The following TENM1 variants were observed in gnomAD, a reference collection of about 807,000 sequenced individuals.
TENM1 encodes the protein teneurin transmembrane protein 1, also known as teneurin-1.
Under a neutral mutation model 174.8 loss-of-function variants are expected in TENM1, and 35 were observed. That is an observed-to-expected ratio of 0.20 (90% confidence interval 0.15 to 0.27). The LOEUF is 0.27. Ranked by LOEUF, TENM1 falls within the 10% of genes least tolerant of loss-of-function variation. TENM1 has a pLI of 1.00. For missense variants in TENM1, 1,633 were observed against 2,130.1 expected (o/e 0.77, Z 4.59); for synonymous variants, 781 against 798.7 (o/e 0.98, Z 0.37).
intron 27 of TENM1, among the ~76,000 whole-genome samples, chrX:124,396,821 T>C (rs2060340244): frequency 9.0e-6 from 1 of 111,630 alleles, no homozygotes; most frequent in Admixed American, 9.5e-5. Context: ...ACACTAATCC[T>C]TTCCCTGGAA....
At chrX:124,610,730 C>T (rs763640923) in intron 11 of TENM1, among the ~76,000 whole-genome samples, 1 of 110,976 alleles carries the variant, frequency 9.0e-6, no homozygotes, top group East Asian at 2.8e-4. Flanking sequence ...TTGTCCTCCC[C>T]TTCGTAGAAA....
At chrX:124,600,621 G>T (rs2050006710) in intron 11 of TENM1, among the ~76,000 whole-genome samples, 1 of 111,383 alleles carries the variant, frequency 9.0e-6, no homozygotes, top group African/African-American at 3.3e-5. Context: ...GGTACCACCT[G>T]ATAGGATATA....
At chrX:124,634,896 G>A (rs1602858933) in intron 11 of TENM1, among the ~76,000 whole-genome samples, 1 of 111,093 alleles carries the variant, frequency 9.0e-6, no homozygotes, top group Admixed American at 9.5e-5. Context: ...CATCCATTAG[G>A]GAACACTTCA....
chrX:124,593,655 T>C (rs193024747), intron 11 of TENM1, among the ~76,000 whole-genome samples: 37 of 111,694 alleles, frequency 3.3e-4, no homozygotes, highest in Non-Finnish European at 5.8e-4. Context: ...TCTAAGTACC[T>C]GAATTTCTGC....
chrX:124,870,197 T>C (rs1180366554), intron 3 of TENM1, among the ~76,000 whole-genome samples: 1 of 111,993 alleles, frequency 8.9e-6, no homozygotes, highest in Non-Finnish European at 1.9e-5. Flanking sequence ...TGTAAAGACA[T>C]AGACATAAAT....
intron 3 of TENM1, among the ~76,000 whole-genome samples, chrX:124,881,971 C>A (rs960033715): frequency 1.8e-5 from 2 of 111,896 alleles, no homozygotes; most frequent in Non-Finnish European, 3.8e-5. Context: ...TCAGGTGACC[C>A]GCCCACTTCG....
chrX:124,986,359 C>G, the TENM1 span, among the ~76,000 whole-genome samples: 1 of 111,045 alleles, frequency 9.0e-6, no homozygotes, highest in Admixed American at 9.6e-5. Context: ...GAGGAAGAAG[C>G]TGAAAGACCC....
At chrX:124,763,639 A>G (rs998330059) in intron 3 of TENM1, among the ~76,000 whole-genome samples, 1 of 111,481 alleles carries the variant, frequency 9.0e-6, no homozygotes, top group African/African-American at 3.3e-5. Context: ...CACTCCACAA[A>G]TATTCTAGGT....
chrX:125,075,870 T>C, the TENM1 span, among the ~76,000 whole-genome samples: 1 of 92,555 alleles, frequency 1.1e-5, no homozygotes, highest in African/African-American at 5.3e-5. Context: ...AGAATTCTCA[T>C]TTGATTTCCC....
the TENM1 span, among the ~76,000 whole-genome samples, chrX:125,162,331 C>G: frequency 8.9e-6 from 1 of 112,441 alleles, no homozygotes; most frequent in Non-Finnish European, 1.9e-5. Context: ...GCTTCTATCA[C>G]TGATGATGTG....
At chrX:124,742,245 A>G (rs1286620822) in intron 3 of TENM1, among the ~76,000 whole-genome samples, 1 of 111,299 alleles carries the variant, frequency 9.0e-6, no homozygotes, top group Non-Finnish European at 1.9e-5. Context: ...CTATAGCTCT[A>G]GAAAAAGGTC....
chrX:124,870,654 A>AT (rs373560601), intron 3 of TENM1, among the ~76,000 whole-genome samples: 166 of 104,490 alleles, frequency 1.6e-3, no homozygotes, highest in Middle Eastern at 4.9e-3. Flanking sequence ...TGCCTCAAGT[A>AT]TTTTTTTTTT....
chrX:124,820,356 ATTCAT>A (rs1191860756), intron 3 of TENM1, among the ~76,000 whole-genome samples: 1 of 111,257 alleles, frequency 9.0e-6, no homozygotes, highest in African/African-American at 3.3e-5. Context: ...TTCCATTTTT[ATTCAT>A]TTCATTTGGG....
At chrX:124,821,077 CAACACATTAAGAT>C (rs970312057) in intron 3 of TENM1, among the ~76,000 whole-genome samples, 7 of 112,148 alleles carry the variant, frequency 6.2e-5, no homozygotes, top group Non-Finnish European at 1.1e-4. Flanking sequence ...TCAAATTTCT[CAACACATTAAGAT>C]AAAACAGACT....
the TENM1 span, among the ~76,000 whole-genome samples, chrX:125,052,280 A>G: frequency 1.8e-5 from 2 of 111,528 alleles, no homozygotes; most frequent in African/African-American, 6.5e-5. Flanking sequence ...GACAGACCAA[A>G]ATCACAGAAA....
In TENM1 at chrX:124,481,978, A is replaced by G; in HGVS notation, c.3717-14T>C. ...GCAGGACTTGTGCTAAGGAAGAGAA[A>G]AGTAAAGTTATTCAAGGCAATTTTT... On this transcript the variant is annotated splice_polypyrimidine_tract_variant and intron_variant, in intron 21 of 31. Coordinates refer to ENST00000422452, the Ensembl canonical transcript of TENM1. 1.8e-6 allele frequency: 2 copies of G among 1,103,705 alleles called. No individual in the cohort carries two copies. The highest frequency in any genetic ancestry group is 2.5e-6 in the Non-Finnish European group (2 of 814,891). The allele number at this position is 1,103,705 out of a possible 1,213,427, so 91.0% of individuals were successfully genotyped here. A position where few individuals can be genotyped will look rare whatever the true frequency, so the allele number is the denominator to read the frequency against.
chrX:125,180,922 T>G, the TENM1 span, among the ~76,000 whole-genome samples: 1 of 111,538 alleles, frequency 9.0e-6, no homozygotes, highest in Non-Finnish European at 1.9e-5. Context: ...TACCATTCCC[T>G]ATTCCCCAGC....
intron 3 of TENM1, among the ~76,000 whole-genome samples, chrX:124,834,574 T>C (rs747257260): frequency 8.9e-5 from 10 of 111,875 alleles, no homozygotes; most frequent in Non-Finnish European, 1.9e-4. Flanking sequence ...GGGGAGTGTA[T>C]ATTCAGGGCA....
chrX:124,925,065 T>C (rs1206970775), intron 1 of TENM1, among the ~76,000 whole-genome samples: 1 of 109,766 alleles, frequency 9.1e-6, no homozygotes. Context: ...AGAGATCCCA[T>C]TGTTTACTGC....
Sources: gnomAD v4.1 joint callset for allele counts (sites outside exome capture counted in the v4.1 genomes callset) on GRCh38, gnomAD v4.1.1 for gene constraint, MANE v1.5 for transcripts, NCBI Gene and HGNC (gene_info 2026-07-23, HGNC 2026-07-21) for gene names.